MPPED1: variants seen among roughly 807,000 people sequenced by gnomAD.
The protein encoded by MPPED1 is metallophosphoesterase domain containing 1, also known as metallophosphoesterase domain-containing protein 1.
MPPED1 carries 16 observed loss-of-function variants against 36.2 expected under a neutral mutation model. That is an observed-to-expected ratio of 0.44 (90% confidence interval 0.30 to 0.67). MPPED1 has a LOEUF of 0.67. Among genes scored for constraint, MPPED1 ranks in the 30% least tolerant of loss-of-function variants. MPPED1 has a pLI of 0.10. For missense variants in MPPED1, 307 were observed against 453.4 expected, an observed-to-expected ratio of 0.68 and a Z score of 2.93; for synonymous variants, 199 against 191.3, an observed-to-expected ratio of 1.04 and a Z score of -0.33.
intron 3 of MPPED1, among the ~76,000 whole-genome samples, chr22:43,459,968 G>T (rs747120414): frequency 1.3e-5 from 2 of 152,054 alleles, no homozygotes; most frequent in Non-Finnish European, 2.9e-5. Context: ...CAGCACTTTG[G>T]GAGGCCAAGG....
chr22:43,459,903 T>A (rs1421555783), intron 3 of MPPED1, among the ~76,000 whole-genome samples: 1 of 152,044 alleles, frequency 6.6e-6, no homozygotes, highest in South Asian at 2.1e-4. Context: ...GTGTTTCATT[T>A]AAAAAAATAC....
chr22:43,438,663 G>GTC (rs145257362), intron 3 of MPPED1, among the ~76,000 whole-genome samples: 1,629 of 151,506 alleles, frequency 0.011, 16 homozygotes, highest in South Asian at 0.042. Flanking sequence ...CTTTAGGATT[G>GTC]TCTCTCTCTC....
chr22:43,476,722 T>C (rs1456110069), intron 4 of MPPED1, among the ~76,000 whole-genome samples: 1 of 152,092 alleles, frequency 6.6e-6, no homozygotes, highest in Non-Finnish European at 1.5e-5. Context: ...GACTTCACGA[T>C]GTACAGGGTC....
chr22:43,451,297 G>T (rs571191499), intron 3 of MPPED1, among the ~76,000 whole-genome samples: 2 of 152,246 alleles, frequency 1.3e-5, no homozygotes, highest in South Asian at 4.2e-4. Context: ...GAGCCGCTGC[G>T]CCCAGCTGGT....
intron 3 of MPPED1, among the ~76,000 whole-genome samples, chr22:43,460,524 T>A (rs1423486430): frequency 6.6e-6 from 1 of 152,106 alleles, no homozygotes; most frequent in African/African-American, 2.4e-5. Flanking sequence ...CATAATTTGC[T>A]GATTATGGGA....
chr22:43,488,418 G>A (rs963129284), intron 4 of MPPED1, among the ~76,000 whole-genome samples: 5 of 152,146 alleles, frequency 3.3e-5, no homozygotes, highest in African/African-American at 4.8e-5. Context: ...TCCTATAGAC[G>A]AGTGTCTCCC....
At chr22:43,432,503 GAGGGAA>G (rs142601838) in intron 2 of MPPED1, among the ~76,000 whole-genome samples, 35 of 110,416 alleles carry the variant, frequency 3.2e-4, no homozygotes, top group Non-Finnish European at 4.0e-4. Flanking sequence ...GGAGGAGAGA[GAGGGAA>G]AGAGAAAGGG....
chr22:43,480,075 A>G (rs1176680519), intron 4 of MPPED1, among the ~76,000 whole-genome samples: 1 of 152,118 alleles, frequency 6.6e-6, no homozygotes, highest in East Asian at 1.9e-4. Flanking sequence ...TGTTGCCCAG[A>G]CTGATTTCAA....
intron 3 of MPPED1, among the ~76,000 whole-genome samples, chr22:43,449,334 G>A (rs1446660715): frequency 6.6e-6 from 1 of 152,060 alleles, no homozygotes; most frequent in Non-Finnish European, 1.5e-5. Context: ...GTGCGGAGAG[G>A]TGGTTTCTGG....
chr22:43,478,380 T>G lies in MPPED1; in HGVS notation c.632+3419T>G, dbSNP rs1931642529. Among the ~76,000 whole-genome samples the G allele has an allele frequency of 2.6e-5, 4 of 152,188 alleles. No homozygotes were observed. The South Asian group carries it at 8.3e-4, about 32-fold the overall frequency. ...GAGTGCCAGGGAGACCCTGGGGACATGGTGTGGACAGACAGACACTGCTGC... is the reference window on the plus strand; with the variant it reads ...GAGTGCCAGGGAGACCCTGGGGACAGGGTGTGGACAGACAGACACTGCTGC... On this transcript the variant is annotated intron_variant, in intron 4 of 6. Coordinates refer to ENST00000443721, the MANE Select transcript of MPPED1 (RefSeq NM_001044370.2).
intron 3 of MPPED1, among the ~76,000 whole-genome samples, chr22:43,448,259 G>A (rs138132559): frequency 1.3e-4 from 20 of 152,340 alleles, no homozygotes; most frequent in African/African-American, 4.8e-4. Context: ...TGGAGAAGCT[G>A]TATATCTGTG....
chr22:43,498,086 C>T lies in MPPED1; in HGVS notation c.633-149C>T, dbSNP rs551348314. 6.9e-6 allele frequency: 4 copies of T among 581,898 alleles called. No individual in the cohort carries two copies. In the Admixed American group the frequency reaches 9.4e-5, roughly 14 times the overall value. 36.0% of individuals were successfully genotyped at this position (581,898 alleles called of 1,614,324 possible). On this transcript the variant is annotated intron_variant, in intron 4 of 6. Transcript: ENST00000443721. ...CCAGTGGGTCAAAGTCCTGGTGAGTCCCTGCCTTCCCTAGGTGGAGACCTT... is the reference window on the plus strand; with the variant it reads ...CCAGTGGGTCAAAGTCCTGGTGAGTTCCTGCCTTCCCTAGGTGGAGACCTT...
intron 3 of MPPED1, among the ~76,000 whole-genome samples, chr22:43,470,507 A>C: frequency 6.6e-6 from 1 of 152,148 alleles, no homozygotes; most frequent in East Asian, 1.9e-4. Flanking sequence ...TCTGTAAACC[A>C]ACCATTCATT....
intron 3 of MPPED1, among the ~76,000 whole-genome samples, chr22:43,447,799 TTA>T (rs547383228): frequency 1.3e-4 from 19 of 140,918 alleles, no homozygotes; most frequent in African/African-American, 2.6e-4. Flanking sequence ...GGGAGCACAC[TTA>T]TATATATATA....
chr22:43,432,627 A>G (rs1601953701), intron 2 of MPPED1, among the ~76,000 whole-genome samples: 1 of 7,308 alleles, frequency 1.4e-4, no homozygotes, highest in African/African-American at 7.8e-4. Context: ...AGAGAAGGGG[A>G]GGAGAGAGAG....
intron 2 of MPPED1, among the ~76,000 whole-genome samples, chr22:43,432,224 C>G (rs1002318328): frequency 1.7e-5 from 1 of 59,086 alleles, no homozygotes; most frequent in African/African-American, 5.2e-5. Flanking sequence ...GAGAGAGACA[C>G]AGAGAGAAAG....
chr22:43,464,657 T>G (rs1325977241), intron 3 of MPPED1, among the ~76,000 whole-genome samples: 1 of 152,152 alleles, frequency 6.6e-6, no homozygotes, highest in African/African-American at 2.4e-5. Context: ...CACCTGCTTC[T>G]CATACAGGTT....
Position 43,507,613 on chromosome 22 carries a change from G to A in MPPED1, c.*1997G>A, listed in dbSNP as rs531431119. 2.0e-5 allele frequency: 3 copies of A among 152,248 alleles called. No individual in the cohort carries two copies. In the East Asian group the frequency reaches 5.8e-4, roughly 29 times the overall value. 9.4% of individuals were successfully genotyped at this position (152,248 alleles called of 1,614,324 possible). A position where few individuals can be genotyped will look rare whatever the true frequency, so the allele number is the denominator to read the frequency against. On this transcript the variant is annotated 3_prime_UTR_variant, in exon 7 of 7. Transcript: ENST00000443721. Reference sequence around the variant, plus strand: ...CTCAATTTCTATGTGGACCAAGAACGATAAACTTAAAAAAATTTTTTTCCT... The same window carrying A: ...CTCAATTTCTATGTGGACCAAGAACAATAAACTTAAAAAAATTTTTTTCCT...
chr22:43,427,862 C>T (rs1203012746), intron 2 of MPPED1, among the ~76,000 whole-genome samples: 1 of 152,032 alleles, frequency 6.6e-6, no homozygotes, highest in African/African-American at 2.4e-5. Flanking sequence ...CTGGTCCTCA[C>T]CCCCCGTGAC....
Sources: allele counts gnomAD v4.1 joint callset (sites outside exome capture counted in the v4.1 genomes callset), GRCh38; gene constraint gnomAD v4.1.1; transcripts MANE v1.5; gene names NCBI Gene and HGNC (gene_info 2026-07-23, HGNC 2026-07-21).